The following TMEM132C variants were observed in gnomAD, a reference collection of about 807,000 sequenced individuals.
TMEM132C encodes protein phosphatase 1, regulatory subunit 152.
Under a neutral mutation model 61.4 loss-of-function variants are expected in TMEM132C, and 29 were observed. The ratio of observed to expected loss-of-function variants is 0.47; its 90% CI spans 0.35 to 0.64. The LOEUF (loss-of-function observed/expected upper bound fraction) is 0.64, where lower values mean the gene tolerates loss of function less well. Among genes scored for constraint, TMEM132C ranks in the 30% least tolerant of loss-of-function variants. TMEM132C has a pLI of 0.00. For missense variants in TMEM132C, 1,408 were observed against 1,476.9 expected (o/e 0.95, Z 0.76); for synonymous variants, 656 against 633.1 (o/e 1.04, Z -0.54).
chr12:128,514,117 A>G (rs1872649883), intron 2 of TMEM132C, among the ~76,000 whole-genome samples: 1 of 152,238 alleles, frequency 6.6e-6, no homozygotes, highest in African/African-American at 2.4e-5. Context: ...TTTCTTGTGA[A>G]CAAAAGTGCT....
intron 4 of TMEM132C, among the ~76,000 whole-genome samples, chr12:128,651,718 G>A (rs937518966): frequency 2.0e-5 from 3 of 152,162 alleles, no homozygotes; most frequent in Non-Finnish European, 4.4e-5. Flanking sequence ...ATGGGAATGG[G>A]GGGTGAAGGA....
intron 5 of TMEM132C, among the ~76,000 whole-genome samples, chr12:128,690,013 C>A (rs982413908): frequency 6.6e-6 from 1 of 152,138 alleles, no homozygotes; most frequent in Non-Finnish European, 1.5e-5. Context: ...TGGAAAGTGA[C>A]CCCCAGGCTC....
chr12:128,476,276 G>A (rs529008776), intron 2 of TMEM132C, among the ~76,000 whole-genome samples: 89 of 152,296 alleles, frequency 5.8e-4, no homozygotes, highest in African/African-American at 9.9e-4. Flanking sequence ...CCTGGGAGTC[G>A]GAATCCTTCC....
intron 1 of TMEM132C, among the ~76,000 whole-genome samples, chr12:128,372,772 C>T (rs991719266): frequency 3.3e-5 from 5 of 151,720 alleles, no homozygotes; most frequent in African/African-American, 9.7e-5. Context: ...GTATACAACC[C>T]CCGAGATTGA....
At chr12:128,651,212 G>A (rs1051999404) in intron 4 of TMEM132C, among the ~76,000 whole-genome samples, 5 of 152,222 alleles carry the variant, frequency 3.3e-5, no homozygotes, top group African/African-American at 1.2e-4. Flanking sequence ...TGAAGATTTT[G>A]TTTCCTGGTC....
chr12:128,584,069 G>A (rs995517691), intron 3 of TMEM132C, among the ~76,000 whole-genome samples: 1 of 152,176 alleles, frequency 6.6e-6, no homozygotes, highest in African/African-American at 2.4e-5. Context: ...TCCTGCCAAG[G>A]CATATTTCTT....
At chr12:128,269,246 C>A (rs888066612) in intron 1 of TMEM132C, among the ~76,000 whole-genome samples, 2 of 152,108 alleles carry the variant, frequency 1.3e-5, no homozygotes, top group African/African-American at 2.4e-5. Context: ...TGACCGACCT[C>A]CTCCGGGTTT....
At chr12:128,364,248 C>T (rs1468740838) in intron 1 of TMEM132C, among the ~76,000 whole-genome samples, 1 of 150,660 alleles carries the variant, frequency 6.6e-6, no homozygotes, top group Non-Finnish European at 1.5e-5. Context: ...TCTCCTCCTC[C>T]TTCTCCTCTC....
At chr12:128,332,092 C>T (rs1872679026) in intron 1 of TMEM132C, among the ~76,000 whole-genome samples, 2 of 152,186 alleles carry the variant, frequency 1.3e-5, no homozygotes, top group Admixed American at 6.5e-5. Context: ...CACATGTTTG[C>T]AAACATTTCT....
intron 2 of TMEM132C, among the ~76,000 whole-genome samples, chr12:128,473,151 TATCTTCATCTTCACTCCAGCCTCC>T (rs1871008014): frequency 1.1e-3 from 12 of 11,078 alleles, no homozygotes; most frequent in African/African-American, 4.4e-3. Flanking sequence ...CTCCAGCCAC[TATCTTCATCTTCACTCCAGCCTCC>T]ATCTTCATCT....
chr12:128,320,350 G>A (rs1026206929), intron 1 of TMEM132C, among the ~76,000 whole-genome samples: 1 of 152,110 alleles, frequency 6.6e-6, no homozygotes, highest in Non-Finnish European at 1.5e-5. Context: ...TGATTAGTGA[G>A]CATAGCTGTT....
At chr12:128,648,232 A>G (rs1376782248) in intron 4 of TMEM132C, among the ~76,000 whole-genome samples, 34 of 150,600 alleles carry the variant, frequency 2.3e-4, no homozygotes, top group African/African-American at 8.2e-4. Flanking sequence ...ACTAGATCCC[A>G]TCAGTGTTGG....
chr12:128,428,258 G>C (rs1869264274), intron 2 of TMEM132C, among the ~76,000 whole-genome samples: 1 of 146,828 alleles, frequency 6.8e-6, no homozygotes, highest in Non-Finnish European at 1.5e-5. Context: ...TAAAACTTTT[G>C]GGAGTTTCAG....
chr12:128,702,929 GA>G (rs1954813882), intron 8 of TMEM132C, among the ~76,000 whole-genome samples: 1 of 152,104 alleles, frequency 6.6e-6, no homozygotes, highest in African/African-American at 2.4e-5. Flanking sequence ...GGTTTGCTGT[GA>G]AAAAGGCAGG....
chr12:128,373,579 A>T (rs569985770), intron 1 of TMEM132C, among the ~76,000 whole-genome samples: 2 of 152,360 alleles, frequency 1.3e-5, no homozygotes, highest in East Asian at 3.9e-4. Flanking sequence ...CACCTCTCCC[A>T]TGCGTAGCGT....
At chr12:128,435,472 G>A (rs921805070) in intron 2 of TMEM132C, among the ~76,000 whole-genome samples, 4 of 152,176 alleles carry the variant, frequency 2.6e-5, no homozygotes, top group Admixed American at 1.3e-4. Context: ...CAAAATCAAT[G>A]TGCAGAAATC....
chr12:128,322,012 C>T (rs913174571), intron 1 of TMEM132C, among the ~76,000 whole-genome samples: 2 of 152,220 alleles, frequency 1.3e-5, no homozygotes, highest in African/African-American at 2.4e-5. Context: ...GTGATATTAC[C>T]AGACCCACAC....
At chr12:128,345,565 GCCT>G (rs1445870377) in intron 1 of TMEM132C, among the ~76,000 whole-genome samples, 6 of 151,974 alleles carry the variant, frequency 3.9e-5, no homozygotes, top group Non-Finnish European at 7.4e-5. Flanking sequence ...CCACAGTCTC[GCCT>G]CCGTCTGTTA....
chr12:128,686,078 C>CATGTGTGTGTGT (rs376733187), intron 5 of TMEM132C, among the ~76,000 whole-genome samples: 11,408 of 62,232 alleles, frequency 0.18, 718 homozygotes, highest in African/African-American at 0.28. Flanking sequence ...TGCGTGTGTG[C>CATGTGTGTGTGT]GCATGTGTGT....
Sources: gnomAD v4.1 joint callset for allele counts (sites outside exome capture counted in the v4.1 genomes callset) on GRCh38, gnomAD v4.1.1 for gene constraint, MANE v1.5 for transcripts, NCBI Gene and HGNC (gene_info 2026-07-23, HGNC 2026-07-21) for gene names.